FOXP2: variants seen among roughly 807,000 people sequenced by gnomAD.
FOXP2 encodes the protein forkhead box protein P2.
A neutral mutation model predicts 115.8 loss-of-function variants in FOXP2; 12 were observed. The ratio of observed to expected loss-of-function variants is 0.10; its 90% confidence interval spans 0.07 to 0.17. The LOEUF is 0.17. Among genes scored for constraint, FOXP2 ranks in the 10% least tolerant of loss-of-function variants. The pLI, the probability that FOXP2 is intolerant of heterozygous loss-of-function variation, is 1.00. For synonymous variants in FOXP2, 328 were observed against 297.7 expected (o/e 1.10, Z -1.05); for missense variants, 629 against 843.5 (o/e 0.75, Z 3.15).
chr7:114,504,637 A>T (rs1172640740), intron 2 of FOXP2, among the ~76,000 whole-genome samples: 1 of 144,832 alleles, frequency 6.9e-6, no homozygotes, highest in African/African-American at 2.8e-5. Context: ...TATTCACCCA[A>T]AAAAAGAAAA....
chr7:114,414,935 T>TAC lies in FOXP2; in HGVS notation c.-426_-425dup, dbSNP rs1323023203. On this transcript the variant is annotated 5_prime_UTR_variant, in exon 1 of 17. An upstream open reading frame in the 5' UTR gains an earlier in-frame stop. Transcript: ENST00000350908. ...ACTCACACACATGCACACACACACA[T>TAC]ACACACACACAAAAATGAAGCACTT... The TAC allele has an allele frequency of 2.0e-5, 8 of 402,014 alleles. No homozygotes were observed. The highest frequency in any genetic ancestry group is 8.7e-4 in the Middle Eastern group (1 of 1,152). The allele number at this position is 402,014 out of a possible 1,614,324, so 24.9% of individuals were successfully genotyped here. A position where few individuals can be genotyped will look rare whatever the true frequency, so the allele number is the denominator to read the frequency against.
intron 3 of FOXP2, among the ~76,000 whole-genome samples, chr7:114,594,252 C>G (rs967113736): frequency 6.6e-6 from 1 of 151,892 alleles, no homozygotes; most frequent in Non-Finnish European, 1.5e-5. Flanking sequence ...AAAAAAATCC[C>G]AAGTTCACCT....
intron 7 of FOXP2, among the ~76,000 whole-genome samples, chr7:114,642,854 G>A (rs1374743985): frequency 8.0e-6 from 1 of 125,060 alleles, no homozygotes; most frequent in Non-Finnish European, 1.6e-5. Context: ...TGTCACCCAT[G>A]CTGGAGTGCA....
chr7:114,168,545 G>A (rs1793044151), intron 1 of FOXP2, among the ~76,000 whole-genome samples: 1 of 152,118 alleles, frequency 6.6e-6, no homozygotes, highest in Admixed American at 6.6e-5. Context: ...GCATTCAAGA[G>A]GTAACTTGGG....
At chr7:114,220,692 A>T (rs962872789) in intron 1 of FOXP2, among the ~76,000 whole-genome samples, 2 of 152,146 alleles carry the variant, frequency 1.3e-5, no homozygotes, top group African/African-American at 4.8e-5. Flanking sequence ...CTATTCAAGA[A>T]TTTTTTAGTC....
At chr7:114,660,281 C>T (rs1428337029) in intron 13 of FOXP2, among the ~76,000 whole-genome samples, 1 of 152,164 alleles carries the variant, frequency 6.6e-6, no homozygotes, top group Non-Finnish European at 1.5e-5. Flanking sequence ...AATGTTAGTT[C>T]TATGCATCTA....
At chr7:114,670,260 T>C (rs1807424817) in intron 16 of FOXP2, among the ~76,000 whole-genome samples, 1 of 152,016 alleles carries the variant, frequency 6.6e-6, no homozygotes, top group South Asian at 2.1e-4. Context: ...GGATATAATA[T>C]AAGAAAATTA....
intron 2 of FOXP2, among the ~76,000 whole-genome samples, chr7:114,468,026 T>C (rs1343988691): frequency 6.6e-6 from 1 of 152,170 alleles, no homozygotes; most frequent in East Asian, 1.9e-4. Context: ...TCAGCTACAA[T>C]GTATACATAT....
intron 2 of FOXP2, among the ~76,000 whole-genome samples, chr7:114,289,444 A>T (rs1186821421): frequency 6.6e-6 from 1 of 151,834 alleles, no homozygotes; most frequent in Non-Finnish European, 1.5e-5. Flanking sequence ...GTGAGTGGGG[A>T]CATTATTTGT....
At chr7:114,088,326 T>G (rs1799468500) in intron 1 of FOXP2, 1 of 152,300 alleles carries the variant, frequency 6.6e-6, no homozygotes, top group East Asian at 1.9e-4. Flanking sequence ...TGTGGGAGTG[T>G]GTAAGGTGTG....
intron 2 of FOXP2, among the ~76,000 whole-genome samples, chr7:114,356,738 G>A (rs1791626138): frequency 1.3e-5 from 2 of 152,092 alleles, no homozygotes. Flanking sequence ...TATTAGTCAA[G>A]GCTAAGGAAT....
At chr7:114,286,227 T>C (rs939670322) in intron 1 of FOXP2, among the ~76,000 whole-genome samples, 6 of 152,018 alleles carry the variant, frequency 3.9e-5, no homozygotes, top group South Asian at 2.1e-4. Context: ...GTTATATATA[T>C]GTATATATGA....
At chr7:114,090,644 A>C (rs903107867) in intron 1 of FOXP2, among the ~76,000 whole-genome samples, 1 of 151,860 alleles carries the variant, frequency 6.6e-6, no homozygotes, top group Admixed American at 6.5e-5. Flanking sequence ...ATGGTCTGCA[A>C]ATATTCTAAT....
chr7:114,171,793 T>C (rs976229572), intron 1 of FOXP2, among the ~76,000 whole-genome samples: 1 of 152,200 alleles, frequency 6.6e-6, no homozygotes, highest in Admixed American at 6.5e-5. Flanking sequence ...CAAAGTCAAT[T>C]GAAAACCTTC....
At chr7:114,421,214 A>T (rs188702490) in intron 1 of FOXP2, among the ~76,000 whole-genome samples, 1 of 151,712 alleles carries the variant, frequency 6.6e-6, no homozygotes, top group East Asian at 1.9e-4. Context: ...TAATATTTTC[A>T]TAATTAAATA....
chr7:114,584,227 T>C (rs1249968427), intron 3 of FOXP2, among the ~76,000 whole-genome samples: 1 of 152,118 alleles, frequency 6.6e-6, no homozygotes, highest in African/African-American at 2.4e-5. Context: ...TTTTTATTAC[T>C]CCACTACAAA....
At chr7:114,574,197 T>C (rs1285784258) in intron 3 of FOXP2, among the ~76,000 whole-genome samples, 1 of 151,834 alleles carries the variant, frequency 6.6e-6, no homozygotes, top group Non-Finnish European at 1.5e-5. Context: ...TATCTACTTG[T>C]TGTATTTGAA....
chr7:114,145,222 A>G (rs1327140444), intron 1 of FOXP2, among the ~76,000 whole-genome samples: 1 of 152,190 alleles, frequency 6.6e-6, no homozygotes, highest in African/African-American at 2.4e-5. Context: ...ACTGTTTTAT[A>G]AACTGAAGTT....
At chr7:114,648,544 T>G (rs2129336170) in intron 8 of FOXP2, among the ~76,000 whole-genome samples, 1 of 152,248 alleles carries the variant, frequency 6.6e-6, no homozygotes, top group Admixed American at 6.6e-5. Flanking sequence ...CTGGATTGTA[T>G]ATAATTGAAG....
Sources: allele counts gnomAD v4.1 joint callset (sites outside exome capture counted in the v4.1 genomes callset), GRCh38; gene constraint gnomAD v4.1.1; transcripts MANE v1.5; gene names NCBI Gene and HGNC (gene_info 2026-07-23, HGNC 2026-07-21).